DHX57: variants seen among roughly 807,000 people sequenced by gnomAD.
DHX57 encodes the protein DExH-box helicase 57.
Under a neutral mutation model 156.2 loss-of-function variants are expected in DHX57, and 105 were observed. The observed-to-expected ratio is 0.67, with a 90% confidence interval of 0.57 to 0.79. DHX57 has a LOEUF of 0.79. DHX57 is among the 30% of genes least tolerant of loss of function. The probability of loss-of-function intolerance (pLI) is 0.00; values close to 1 mark genes in which losing one functional copy is unlikely to be tolerated. For missense variants in DHX57, 1,847 were observed against 1,661.9 expected, an observed-to-expected ratio of 1.11 and a Z score of -1.94; for synonymous variants, 704 against 595.6, an observed-to-expected ratio of 1.18 and a Z score of -2.65.
intron 13 of DHX57, among the ~76,000 whole-genome samples, chr2:38,832,768 C>CTTTA: frequency 6.6e-6 from 1 of 151,966 alleles, no homozygotes; most frequent in South Asian, 2.1e-4. Context: ...GAACTCCTGA[C>CTTTA]TTTAGGTGAT....
chr2:38,861,453 G>T lies in DHX57; in HGVS notation c.957C>A (p.Cys319Ter), dbSNP rs752400492. Residue 319 changes from cysteine (C) to a stop codon, truncating the protein, a stop_gained, in exon 5 of 24, where the codon TGC becomes TGA. Transcript: ENST00000457308. LOFTEE classifies it high-confidence loss of function. ...LKGNCKFGSK[C>*]RFKHEVPPNQ... ...TTGGGGGCACTTCATGTTTGAATCT[G>T]CATTTTGATCCAAATTTACAATTTC... The T allele has an allele frequency of 1.2e-6, 2 of 1,613,844 alleles. No homozygotes were observed. The highest frequency in any genetic ancestry group is 1.7e-6 in the Non-Finnish European group (2 of 1,180,008).
intron 5 of DHX57, 67 bp from the exon 6 acceptor site, chr2:38,858,903 G>T: frequency 6.8e-7 from 1 of 1,470,600 alleles, no homozygotes; most frequent in Non-Finnish European, 9.1e-7. Flanking sequence ...GAAAGTCGCT[G>T]TCTAACAGAG....
chr2:38,869,715 G>T (rs980377204), intron 1 of DHX57, among the ~76,000 whole-genome samples: 21 of 152,220 alleles, frequency 1.4e-4, no homozygotes, highest in Admixed American at 1.2e-3. Context: ...AGAAGCCCCT[G>T]AAAGGGGAGA....
At chr2:38,874,399 GTATTTTT>G (rs1309896432) in intron 1 of DHX57, among the ~76,000 whole-genome samples, 3 of 103,468 alleles carry the variant, frequency 2.9e-5, no homozygotes, top group Non-Finnish European at 3.7e-5. Flanking sequence ...TTGAAATACT[GTATTTTT>G]TTTTTTTTTT....
At chr2:38,828,316 G>C (rs1671208753) in intron 14 of DHX57, 24 bp downstream of exon 14, 1 of 1,577,890 alleles carries the variant, frequency 6.3e-7, no homozygotes, top group Non-Finnish European at 8.7e-7. Flanking sequence ...GGATGATTAA[G>C]AATATAGAAA....
At chr2:38,799,233 G>C (rs1253504113) in intron 23 of DHX57, among the ~76,000 whole-genome samples, 1 of 151,616 alleles carries the variant, frequency 6.6e-6, no homozygotes, top group African/African-American at 2.4e-5. Flanking sequence ...TGGGATGGTG[G>C]TGCATGCCTA....
At chr2:38,841,058 T>C (rs970618132) in intron 12 of DHX57, among the ~76,000 whole-genome samples, 25 of 152,172 alleles carry the variant, frequency 1.6e-4, no homozygotes, top group African/African-American at 6.0e-4. Flanking sequence ...CCTGGGCTCA[T>C]GTGATCCTCC....
intron 9 of DHX57, among the ~76,000 whole-genome samples, chr2:38,850,152 A>G (rs1646470951): frequency 6.6e-6 from 1 of 152,258 alleles, no homozygotes; most frequent in African/African-American, 2.4e-5. Context: ...CAGAAAACAA[A>G]AGTAACTATT....
chr2:38,820,079 C>G (rs964172268), intron 17 of DHX57, among the ~76,000 whole-genome samples: 2 of 152,128 alleles, frequency 1.3e-5, no homozygotes, highest in African/African-American at 4.8e-5. Context: ...AGTTGCAACA[C>G]CACTGAAAAT....
Position 38,854,161 on chromosome 2 carries a change from C to T in DHX57, c.1923G>A (p.Leu641=), listed in dbSNP as rs1174279513. 1 of 1,613,882 alleles carries T rather than the reference C, an allele frequency of 6.2e-7. No homozygotes were observed. The highest frequency in any genetic ancestry group is 8.5e-7 in the Non-Finnish European group (1 of 1,179,878). Residue 641 remains leucine, a synonymous_variant, in exon 9 of 24, where the codon CTG becomes CTA. Transcript: ENST00000457308. ...GCAGCACTCCCGTGGTGCAGTATAA[C>T]AGTCTGGTGGCTGAGGACTTACACA... ...LESVKSSATR[L]LYCTTGVLLR...
At position 38,842,986 on chromosome 2, in the gene DHX57, C is replaced by A. The variant is rs549929345; in HGVS notation, c.2425+19G>T. The A allele has an allele frequency of 1.9e-6, 3 of 1,608,296 alleles. No individual in the cohort carries two copies. Among genetic ancestry groups the A allele is most frequent in the Non-Finnish European group, 2.6e-6 (3 of 1,175,004 alleles). On this transcript the variant is annotated intron_variant, in intron 12 of 23. Coordinates refer to ENST00000457308, the MANE Select transcript of DHX57 (RefSeq NM_198963.3). The stretch of plus-strand genomic sequence containing the variant: ...AAATCTTTGGCATAATTATAATATT[C>A]CCCCAAGAGGCATGTTACCTTTATA...
chr2:38,822,884 T>C lies in DHX57; in HGVS notation c.3291+109A>G, dbSNP rs531201170. The C allele has an allele frequency of 1.4e-4, 182 of 1,277,094 alleles. No homozygotes were observed. The African/African-American group carries it at 2.1e-3, about 15-fold the overall frequency. 79.1% of individuals were successfully genotyped at this position (1,277,094 alleles called of 1,614,324 possible). ...GTGCCCTAAAAATTCACAGCTAACA[T>C]ACAAGCAAATTTTTAGGGGGCTCAC... On this transcript the variant is annotated intron_variant, in intron 17 of 23. Coordinates refer to ENST00000457308, the MANE Select transcript of DHX57 (RefSeq NM_198963.3).
chr2:38,831,918 A>T (rs1671404348), intron 13 of DHX57, among the ~76,000 whole-genome samples: 2 of 151,830 alleles, frequency 1.3e-5, no homozygotes, highest in South Asian at 4.2e-4. Context: ...GTTACTCAGG[A>T]GGCTGAGATA....
intron 23 of DHX57, among the ~76,000 whole-genome samples, chr2:38,802,064 T>C (rs1167200633): frequency 6.6e-6 from 1 of 152,190 alleles, no homozygotes; most frequent in Admixed American, 6.6e-5. Flanking sequence ...TTTTTGCTTA[T>C]CTGTATTTTC....
At chr2:38,835,793 C>A (rs1277768747) in intron 13 of DHX57, among the ~76,000 whole-genome samples, 1 of 152,264 alleles carries the variant, frequency 6.6e-6, no homozygotes, top group South Asian at 2.1e-4. Context: ...TGATGCTGGA[C>A]AAAGCTGTGT....
At chr2:38,836,819 T>G (rs1413412584) in intron 13 of DHX57, among the ~76,000 whole-genome samples, 1 of 150,634 alleles carries the variant, frequency 6.6e-6, no homozygotes, top group Non-Finnish European at 1.5e-5. Flanking sequence ...GAATACAGTA[T>G]GTAATACATA....
intron 22 of DHX57, among the ~76,000 whole-genome samples, chr2:38,803,909 G>T (rs1669817374): frequency 1.3e-5 from 2 of 151,970 alleles, no homozygotes. Flanking sequence ...AGCCTCCCAA[G>T]TAGCTGGGAC....
At chr2:38,832,544 TA>T (rs1438744394) in intron 13 of DHX57, among the ~76,000 whole-genome samples, 58 of 25,114 alleles carry the variant, frequency 2.3e-3, no homozygotes, top group Non-Finnish European at 7.9e-3. Flanking sequence ...TATATATATA[TA>T]TATATATTTT....
intron 3 of DHX57, 95 bp downstream of exon 3, chr2:38,863,266 T>A: frequency 2.3e-6 from 3 of 1,287,930 alleles, no homozygotes; most frequent in Non-Finnish European, 2.1e-6. Context: ...CACAATAGAA[T>A]CAGTACTGAC....
Sources: allele counts gnomAD v4.1 joint callset (sites outside exome capture counted in the v4.1 genomes callset), GRCh38; gene constraint gnomAD v4.1.1; transcripts MANE v1.5; gene names NCBI Gene and HGNC (gene_info 2026-07-23, HGNC 2026-07-21).